Variants in PRKAG1 observed in about 807,000 individuals in gnomAD.
The protein encoded by PRKAG1 is protein kinase AMP-activated non-catalytic subunit gamma 1, also known as 5'-AMP-activated protein kinase subunit gamma-1.
A neutral mutation model predicts 48.2 loss-of-function variants in PRKAG1; 27 were observed. The observed-to-expected ratio is 0.56, with a 90% CI of 0.41 to 0.77. PRKAG1 has a LOEUF of 0.77. Among genes scored for constraint, PRKAG1 ranks in the 30% least tolerant of loss-of-function variants. PRKAG1 has a pLI of 0.00. For synonymous variants in PRKAG1, 130 were observed against 147.7 expected (o/e 0.88, Z 0.87); for missense variants, 287 against 398.3 (o/e 0.72, Z 2.38).
intron 2 of PRKAG1, among the ~76,000 whole-genome samples, chr12:49,009,737 C>T (rs986132829): frequency 1.8e-4 from 28 of 152,110 alleles, no homozygotes; most frequent in Non-Finnish European, 3.8e-4. Flanking sequence ...CTCAGCCTCC[C>T]GAGTATCTGG....
chr12:49,008,990 TTCC>T (rs1308281621), intron 2 of PRKAG1, among the ~76,000 whole-genome samples: 1 of 152,100 alleles, frequency 6.6e-6, no homozygotes, highest in African/African-American at 2.4e-5. Flanking sequence ...CTTGAATTAG[TTCC>T]TCAATTATTT....
At chr12:49,018,029 T>C (rs1051852794) in intron 1 of PRKAG1, 3 of 152,132 alleles carry the variant, frequency 2.0e-5, no homozygotes, top group Admixed American at 6.5e-5. Flanking sequence ...GGTGCAAACA[T>C]GTAGCAGGCA....
At chr12:49,003,967 A>G in intron 8 of PRKAG1, 45 bp from the exon 9 acceptor site, 1 of 1,548,046 alleles carries the variant, frequency 6.5e-7, no homozygotes, top group Non-Finnish European at 8.7e-7. Flanking sequence ...ACCCAAAGCC[A>G]CCCTTGGATA....
intron 9 of PRKAG1, 49 bp downstream of exon 9, chr12:49,003,708 C>T: frequency 2.5e-6 from 4 of 1,605,496 alleles, no homozygotes; most frequent in Non-Finnish European, 3.4e-6. Flanking sequence ...CCAGAGCCAC[C>T]CTGACTTGCC....
rs1565739638 is a variant in PRKAG1, at chr12:49,013,114, G to A, written c.10-4C>T. The stretch of plus-strand genomic sequence containing the variant: ...GGGAGCTATCTGAAGAAATGACCTG[G>A]AGAGATAAGAAAACAGATTCAGCTT... On this transcript the variant is annotated splice_region_variant and splice_polypyrimidine_tract_variant and intron_variant, in intron 1 of 11. Coordinates refer to ENST00000548065, the MANE Select transcript of PRKAG1 (RefSeq NM_002733.5). 2 of 1,612,966 alleles carry A rather than the reference G, an allele frequency of 1.2e-6. No homozygotes were observed. The highest frequency in any genetic ancestry group is 1.7e-5 in the Admixed American group (1 of 60,022).
intron 2 of PRKAG1, among the ~76,000 whole-genome samples, chr12:49,007,829 C>T (rs1941604590): frequency 6.6e-6 from 1 of 151,778 alleles, no homozygotes; most frequent in Admixed American, 6.6e-5. Context: ...AGGAGCTAAA[C>T]CATAATGTTG....
At chr12:49,012,270 T>C (rs945605283) in intron 2 of PRKAG1, among the ~76,000 whole-genome samples, 1 of 152,246 alleles carries the variant, frequency 6.6e-6, no homozygotes, top group Non-Finnish European at 1.5e-5. Context: ...AAACATAAAA[T>C]AGGCACTGGC....
At position 49,002,394 on chromosome 12, in the gene PRKAG1, C is replaced by A. The variant is rs201223337; in HGVS notation, c.*505G>T. ...CCCTTCATATGCACAAACACAGGAA[C>A]CCAAAGCCCCTCCTCCCCACAATCC... On this transcript the variant is annotated 3_prime_UTR_variant, in exon 12 of 12. Transcript: ENST00000548065. 4.7e-6 allele frequency: 1 copy of A among 213,200 alleles called. No individual in the cohort carries two copies. The highest frequency in any genetic ancestry group is 9.6e-6 in the Non-Finnish European group (1 of 104,136). The allele number at this position is 213,200 out of a possible 1,614,324, so 13.2% of individuals were successfully genotyped here.
chr12:49,002,687 G>C lies in PRKAG1; in HGVS notation c.*212C>G. On this transcript the variant is annotated 3_prime_UTR_variant, in exon 12 of 12. Transcript: ENST00000548065. ...GGGGCTAGAACTGGCTAGGCTGAAA[G>C]TTTTTTCAAGTGTATGTGTGAGGGT... 1 of 658,666 alleles carries C rather than the reference G, an allele frequency of 1.5e-6. No homozygotes were observed. The highest frequency in any genetic ancestry group is 2.8e-5 in the East Asian group (1 of 35,456). The allele number at this position is 658,666 out of a possible 1,614,324, so 40.8% of individuals were successfully genotyped here. A position where few individuals can be genotyped will look rare whatever the true frequency, so the allele number is the denominator to read the frequency against.
At chr12:49,003,644 C>G in intron 9 of PRKAG1, 49 bp from the exon 10 acceptor site, 1 of 1,612,228 alleles carries the variant, frequency 6.2e-7, no homozygotes, top group Non-Finnish European at 8.5e-7. Context: ...ATCTAAAGCT[C>G]CCCCTACTCA....
intron 8 of PRKAG1, 106 bp from the exon 9 acceptor site, chr12:49,004,028 G>A (rs1476304304): frequency 6.9e-7 from 1 of 1,443,738 alleles, no homozygotes; most frequent in Non-Finnish European, 9.2e-7. Flanking sequence ...GCCGGCTTAT[G>A]CCTATAATCC....
Position 49,005,223 on chromosome 12 carries a change from T to C in PRKAG1, c.310-58A>G. ...ATCTCTCTGCTTCCTTAAGCCCTCG[T>C]GGCTTGCTTGGAGAAAAAGAAATGA... is the stretch of plus-strand genomic sequence containing the variant. On this transcript the variant is annotated intron_variant, in intron 5 of 11. Transcript: ENST00000548065. This position sits in a 1 kb window ranked among gnomAD's most constrained non-coding sequence, Gnocchi z 4.1. 1.9e-6 allele frequency: 3 copies of C among 1,612,814 alleles called. No homozygotes were observed. Among genetic ancestry groups the C allele is most frequent in the Non-Finnish European group, 2.5e-6 (3 of 1,178,850 alleles).
chr12:49,006,934 A>C (rs2137661429), intron 2 of PRKAG1, among the ~76,000 whole-genome samples: 1 of 151,138 alleles, frequency 6.6e-6, no homozygotes, highest in African/African-American at 2.4e-5. Flanking sequence ...GCAACATTGC[A>C]CTCCAGCCTG....
chr12:49,007,515 TA>T (rs1188524438), intron 2 of PRKAG1, among the ~76,000 whole-genome samples: 1 of 152,200 alleles, frequency 6.6e-6, no homozygotes, highest in Non-Finnish European at 1.5e-5. Flanking sequence ...CAAAGTTATA[TA>T]GACACACAGT....
rs748184026 is a variant in PRKAG1, at chr12:49,018,690, T to C, written c.9+42A>G. ...TCTCCTAAGGGTTGGGGGGGTGTCT[T>C]AGGCTCCACAGCGCCCCCGACCGCC... On this transcript the variant is annotated intron_variant, in intron 1 of 11. Transcript: ENST00000548065. The C allele has an allele frequency of 3.1e-6, 5 of 1,613,542 alleles. No homozygotes were observed. In the South Asian group the frequency reaches 5.5e-5, roughly 18 times the overall value.
At chr12:49,017,060 C>A (rs1942003214) in intron 1 of PRKAG1, 1 of 440,226 alleles carries the variant, frequency 2.3e-6, no homozygotes, top group African/African-American at 2.1e-5. Flanking sequence ...AGTAATTTTT[C>A]TCTCAGCTAT....
intron 2 of PRKAG1, among the ~76,000 whole-genome samples, chr12:49,010,593 G>C (rs1444262781): frequency 6.6e-6 from 1 of 152,156 alleles, no homozygotes. Context: ...TGTACTCAAT[G>C]GGGTAGGGTG....
At chr12:49,003,102 G>T in intron 11 of PRKAG1, 42 bp downstream of exon 11, 1 of 1,613,728 alleles carries the variant, frequency 6.2e-7, no homozygotes, top group Non-Finnish European at 8.5e-7. Context: ...CCACTCTCAA[G>T]GCTGCTCCCC....
intron 1 of PRKAG1, chr12:49,017,379 G>T (rs891969954): frequency 2.9e-6 from 1 of 349,190 alleles, no homozygotes; most frequent in Non-Finnish European, 5.6e-6. Context: ...GGTAATTTTT[G>T]TATTTTTGTT....
Sources: gnomAD v4.1 joint callset for allele counts (sites outside exome capture counted in the v4.1 genomes callset) on GRCh38, gnomAD v4.1.1 for gene constraint, Gnocchi (gnomAD v3.1) non-coding constraint, MANE v1.5 for transcripts, NCBI Gene and HGNC (gene_info 2026-07-23, HGNC 2026-07-21) for gene names.